The following LGR4 variants were observed in gnomAD, a reference collection of about 807,000 sequenced individuals.
LGR4 encodes the protein leucine rich repeat containing G protein-coupled receptor 4.
Under a neutral mutation model 84.8 loss-of-function variants are expected in LGR4, and 44 were observed. The observed-to-expected ratio is 0.52, with a 90% CI of 0.41 to 0.67. The LOEUF is 0.67. LGR4 is among the 30% of genes least tolerant of loss of function. The pLI, the probability that LGR4 is intolerant of heterozygous loss-of-function variation, is 0.00. For synonymous variants in LGR4, 429 were observed against 434.3 expected (o/e 0.99, Z 0.15); for missense variants, 1,032 against 1,131.4 (o/e 0.91, Z 1.26).
chr11:27,411,426 C>T (rs1243016172), intron 2 of LGR4, among the ~76,000 whole-genome samples: 4 of 151,080 alleles, frequency 2.6e-5, no homozygotes, highest in African/African-American at 4.9e-5. Flanking sequence ...AAAAATAAAA[C>T]ATATACTTCT....
chr11:27,463,599 A>G (rs1374690892), intron 1 of LGR4, among the ~76,000 whole-genome samples: 1 of 152,070 alleles, frequency 6.6e-6, no homozygotes, highest in Non-Finnish European at 1.5e-5. Context: ...CAGCCTGGCC[A>G]ACATGGTGAA....
chr11:27,427,832 C>A (rs942735269), intron 1 of LGR4, among the ~76,000 whole-genome samples: 2 of 152,214 alleles, frequency 1.3e-5, no homozygotes, highest in Non-Finnish European at 2.9e-5. Flanking sequence ...GAAAAAAGTT[C>A]TCTCTGACCT....
intron 1 of LGR4, among the ~76,000 whole-genome samples, chr11:27,455,350 T>C (rs191361418): frequency 6.6e-6 from 1 of 152,044 alleles, no homozygotes; most frequent in East Asian, 1.9e-4. Context: ...CAGCTCTTAA[T>C]AGAGAAGTAC....
Position 27,472,138 on chromosome 11 carries a change from G to T in LGR4, c.165C>A (p.Leu55=). The T allele has an allele frequency of 7.3e-7, 1 of 1,375,640 alleles. No homozygotes were observed. Among genetic ancestry groups the T allele is most frequent in the Non-Finnish European group, 9.4e-7 (1 of 1,063,342 alleles). 85.2% of individuals were successfully genotyped at this position (1,375,640 alleles called of 1,614,324 possible). The change falls in exon 1 of 18, where the codon CTC becomes CTA. Residue 55 remains leucine, a synonymous_variant. Transcript: ENST00000379214. ...GKGLTAVPEG[L]SAFTQALDIS... is the part of the protein sequence containing the mutation. ...CTCACAGCGCTTGGGTGAAGGCGCTGAGCCCCTCGGGCACGGCCGTCAGCC... is the reference window on the plus strand; with the variant it reads ...CTCACAGCGCTTGGGTGAAGGCGCTTAGCCCCTCGGGCACGGCCGTCAGCC...
chr11:27,451,553 T>G (rs1357684278), intron 1 of LGR4, among the ~76,000 whole-genome samples: 1 of 152,204 alleles, frequency 6.6e-6, no homozygotes, highest in African/African-American at 2.4e-5. Flanking sequence ...GTGTAAATGG[T>G]GACAAAGCCC....
chr11:27,393,485 A>C (rs1863323002), intron 2 of LGR4, among the ~76,000 whole-genome samples: 1 of 152,130 alleles, frequency 6.6e-6, no homozygotes, highest in Non-Finnish European at 1.5e-5. Flanking sequence ...TCAGGACCAC[A>C]TAGTCACCAA....
In LGR4 at chr11:27,370,564, GT is replaced by G. The variant is rs141235295; in HGVS notation, c.1579+1050del. Among the ~76,000 whole-genome samples the G allele has an allele frequency of 1.0e-3, 153 of 152,332 alleles. 3 individuals are homozygous for G. The highest frequency in any genetic ancestry group is 3.5e-3 in the African/African-American group (146 of 41,590). Reference sequence around the variant, plus strand: ...CTGCTTCTGCAGCAAGCACATCAGTGTCTGTGTGTTACTACAGCTGAGTAGG... The same window carrying G: ...CTGCTTCTGCAGCAAGCACATCAGTGCTGTGTGTTACTACAGCTGAGTAGG... On this transcript the variant is annotated intron_variant, in intron 17 of 17. Transcript: ENST00000379214.
In LGR4 at chr11:27,368,805, T is replaced by C. The variant is rs755999472; in HGVS notation, c.1918A>G (p.Thr640Ala). 2.5e-6 allele frequency: 4 copies of C among 1,614,078 alleles called. No homozygotes were observed. The highest frequency in any genetic ancestry group is 2.2e-5 in the East Asian group (1 of 44,878). ...ESAIFLLMLA[T>A]VERSLSAKDI... ...TTTGCAGATAAGCTTCTTTCGACAG[T>C]TGCTAGCATTAATAAAAATATGGCA... Residue 640 changes from threonine (T) to alanine (A), a missense_variant, in exon 18 of 18, where the codon ACT becomes GCT. Coordinates refer to ENST00000379214, the MANE Select transcript of LGR4 (RefSeq NM_018490.5).
At chr11:27,441,327 C>CT (rs1212453108) in intron 1 of LGR4, among the ~76,000 whole-genome samples, 1 of 152,134 alleles carries the variant, frequency 6.6e-6, no homozygotes, top group Non-Finnish European at 1.5e-5. Context: ...AAGCAGTCAG[C>CT]CTCTACTAGT....
intron 1 of LGR4, among the ~76,000 whole-genome samples, chr11:27,429,414 C>T (rs780006712): frequency 2.7e-5 from 4 of 150,868 alleles, no homozygotes; most frequent in African/African-American, 9.8e-5. Flanking sequence ...ACCCTGGAGG[C>T]GGAGGTTGCA....
chr11:27,418,297 C>T (rs373871949), intron 1 of LGR4, among the ~76,000 whole-genome samples: 1 of 152,218 alleles, frequency 6.6e-6, no homozygotes, highest in Non-Finnish European at 1.5e-5. Context: ...GCTATTTATA[C>T]GGCCGCAGAA....
intron 1 of LGR4, among the ~76,000 whole-genome samples, chr11:27,436,910 G>T (rs940289654): frequency 3.3e-5 from 5 of 152,174 alleles, no homozygotes; most frequent in African/African-American, 1.2e-4. Flanking sequence ...GGGGATAGGA[G>T]GGGGTGTTGA....
intron 1 of LGR4, among the ~76,000 whole-genome samples, chr11:27,454,761 C>CAAAAAAAAAAAAA (rs59633176): frequency 9.2e-6 from 1 of 108,852 alleles, no homozygotes; most frequent in African/African-American, 4.1e-5. Context: ...GACTCTGTCT[C>CAAAAAAAAAAAAA]AAAAAAAAAA....
intron 1 of LGR4, among the ~76,000 whole-genome samples, chr11:27,434,335 A>G (rs1864169850): frequency 6.6e-6 from 1 of 152,268 alleles, no homozygotes; most frequent in Non-Finnish European, 1.5e-5. Context: ...TGAATTAAGT[A>G]CAATCAATAG....
chr11:27,459,479 T>TC (rs1471931780), intron 1 of LGR4, among the ~76,000 whole-genome samples: 2 of 151,554 alleles, frequency 1.3e-5, no homozygotes, highest in African/African-American at 2.4e-5. Flanking sequence ...AAGGGCAAAT[T>TC]CTTTTTTTTT....
chr11:27,424,224 C>T (rs935166475), intron 1 of LGR4, among the ~76,000 whole-genome samples: 1 of 152,136 alleles, frequency 6.6e-6, no homozygotes, highest in African/African-American at 2.4e-5. Flanking sequence ...CACACACATA[C>T]ACATTATAAA....
At chr11:27,380,826 G>A in intron 8 of LGR4, 69 bp downstream of exon 8, 2 of 1,180,690 alleles carry the variant, frequency 1.7e-6, no homozygotes, top group Non-Finnish European at 2.5e-6. Context: ...TCTTTATCAG[G>A]GTGTTTGGCA....
intron 4 of LGR4, among the ~76,000 whole-genome samples, chr11:27,388,485 T>G (rs975553969): frequency 6.6e-6 from 1 of 152,194 alleles, no homozygotes; most frequent in African/African-American, 2.4e-5. Flanking sequence ...GATTAAACTA[T>G]TGCTTTGTTA....
At chr11:27,426,437 C>T (rs1213135609) in intron 1 of LGR4, among the ~76,000 whole-genome samples, 1 of 152,128 alleles carries the variant, frequency 6.6e-6, no homozygotes, top group East Asian at 1.9e-4. Context: ...CAGGCTTTAT[C>T]CTATAAATAG....
Sources: gnomAD v4.1 joint callset for allele counts (sites outside exome capture counted in the v4.1 genomes callset) on GRCh38, gnomAD v4.1.1 for gene constraint, MANE v1.5 for transcripts, NCBI Gene and HGNC (gene_info 2026-07-23, HGNC 2026-07-21) for gene names.